The following CTSD variants were observed in gnomAD, a reference collection of about 807,000 sequenced individuals.
The protein encoded by CTSD is ceroid-lipofuscinosis, neuronal 10.
A neutral mutation model predicts 43.6 loss-of-function variants in CTSD; 28 were observed. That is an observed-to-expected ratio of 0.64 (90% CI 0.48 to 0.88). The LOEUF is 0.88. Ranked by LOEUF, CTSD falls within the 40% of genes least tolerant of loss-of-function variation. The pLI, the probability that CTSD is intolerant of heterozygous loss-of-function variation, is 0.00. For synonymous variants in CTSD, 270 were observed against 249.8 expected (o/e 1.08, Z -0.76); for missense variants, 485 against 555.2 (o/e 0.87, Z 1.27).
At chr11:1,759,398 T>C (rs571183702) in intron 3 of CTSD, 118 bp downstream of exon 3, 2 of 1,467,166 alleles carry the variant, frequency 1.4e-6, no homozygotes, top group South Asian at 1.2e-5. Context: ...AGGGCTGGCC[T>C]GGCTCACGGG....
At chr11:1,757,302 G>C in intron 5 of CTSD, 22 bp downstream of exon 5, 1 of 1,600,006 alleles carries the variant, frequency 6.2e-7, no homozygotes, top group Non-Finnish European at 8.6e-7. Context: ...AACGCGGAGC[G>C]AGAGGGAACC....
Position 1,757,575 on chromosome 11 carries a change from T to C in CTSD, c.472-19A>G. 2 of 1,591,608 alleles carry C rather than the reference T, an allele frequency of 1.3e-6. No individual in the cohort carries two copies. The highest frequency in any genetic ancestry group is 1.7e-6 in the Non-Finnish European group (2 of 1,170,284). ...AGGGCACCTGCAGGCCAGGGCAGAGTCAGTGGGCAGCAGACAGGCTGAGCC... is the reference window on the plus strand; with the variant it reads ...AGGGCACCTGCAGGCCAGGGCAGAGCCAGTGGGCAGCAGACAGGCTGAGCC... On this transcript the variant is annotated intron_variant, in intron 4 of 8. Coordinates refer to ENST00000236671, the MANE Select transcript of CTSD (RefSeq NM_001909.5).
chr11:1,756,493 G>A (rs562141012), intron 5 of CTSD, among the ~76,000 whole-genome samples: 125 of 152,336 alleles, frequency 8.2e-4, no homozygotes, highest in African/African-American at 2.7e-3. Context: ...CAAGTGCCAA[G>A]TGAGCCACGT....
rs1184773829 is a variant in CTSD, at chr11:1,753,675, G to C, written c.1072-5C>G. On this transcript the variant is annotated splice_region_variant and splice_polypyrimidine_tract_variant and intron_variant, in intron 8 of 8. Transcript: ENST00000236671. Reference sequence around the variant, plus strand: ...GGTCTTCCCGGCCTGCGACACCTGGGACGGCCCTGGTGGTCAGTACCCAGG... The same window carrying C: ...GGTCTTCCCGGCCTGCGACACCTGGCACGGCCCTGGTGGTCAGTACCCAGG... The C allele has an allele frequency of 6.2e-7, 1 of 1,612,654 alleles. No individual in the cohort carries two copies. The highest frequency in any genetic ancestry group is 8.5e-7 in the Non-Finnish European group (1 of 1,179,802).
rs372339657 is a variant in CTSD, at chr11:1,753,453, G to A, written c.*50C>T. On this transcript the variant is annotated 3_prime_UTR_variant, in exon 9 of 9. Transcript: ENST00000236671. Reference sequence around the variant, plus strand: ...GGGGCCGCTGGGCCAGGGGCCTCCTGCTCTGGGACTCTCCTCTGTTTCTGT... The same window carrying A: ...GGGGCCGCTGGGCCAGGGGCCTCCTACTCTGGGACTCTCCTCTGTTTCTGT... 41 of 1,608,592 alleles carry A rather than the reference G, an allele frequency of 2.5e-5. No individual in the cohort carries two copies. The highest frequency in any genetic ancestry group is 3.5e-5 in the Non-Finnish European group (41 of 1,176,322).
In CTSD at chr11:1,755,049, T is replaced by A. The variant is rs2292964; in HGVS notation, c.705-21A>T. ...GGTCCCTAGGAGGAAAAGGGAGGAG[T>A]CAGCTGCCACGCCACCCCCCAAGCA... On this transcript the variant is annotated intron_variant, in intron 5 of 8. Transcript: ENST00000236671. The A allele has an allele frequency of 4.7e-4, 754 of 1,612,664 alleles. 7 individuals carry two copies. The East Asian group carries it at 0.016, about 34-fold the overall frequency.
intron 6 of CTSD, 38 bp downstream of exon 6, chr11:1,754,868 C>T (rs1845790693): frequency 6.2e-7 from 1 of 1,613,096 alleles, no homozygotes; most frequent in Non-Finnish European, 8.5e-7. Context: ...CGCCCCCGCC[C>T]ACAGAACCCA....
In CTSD at chr11:1,753,454, C is replaced by T. The variant is rs763739756; in HGVS notation, c.*49G>A. 3.4e-5 allele frequency: 55 copies of T among 1,610,082 alleles called. No homozygotes were observed. The highest frequency in any genetic ancestry group is 4.7e-5 in the Non-Finnish European group (55 of 1,177,630). On this transcript the variant is annotated 3_prime_UTR_variant, in exon 9 of 9. Transcript: ENST00000236671. ...GGGCCGCTGGGCCAGGGGCCTCCTG[C>T]TCTGGGACTCTCCTCTGTTTCTGTG... is the stretch of plus-strand genomic sequence containing the variant.
intron 1 of CTSD, chr11:1,762,557 C>A (rs1157632536): frequency 6.6e-6 from 1 of 152,256 alleles, no homozygotes; most frequent in East Asian, 1.9e-4. Flanking sequence ...TGCCTAAGAG[C>A]TGGTGGGCTG....
intron 8 of CTSD, 54 bp downstream of exon 8, chr11:1,753,749 C>T (rs1193083297): frequency 1.9e-5 from 31 of 1,607,916 alleles, no homozygotes; most frequent in Admixed American, 3.4e-5. Context: ...CTGGAGCGTG[C>T]GCCCCCTCAC....
rs775579878 is a variant in CTSD at position 1,753,808 on chromosome 11, G to A, written c.1066C>T (p.Leu356Phe). The change falls in exon 8 of 9, where the codon CTC (leucine) becomes TTC (phenylalanine). Residue 356 changes from leucine (L) to phenylalanine (F), a missense_variant. By Grantham distance (22) the Leu-to-Phe change is conservative. Transcript: ENST00000236671. Reference sequence around the variant, plus strand: ...GCACCCCATTGCCCGCTCACCTTGAGCGTGTAGTCCTCTGGGGACAGCTTG... The same window carrying A: ...GCACCCCATTGCCCGCTCACCTTGAACGTGTAGTCCTCTGGGGACAGCTTG... ...GYKLSPEDYT[L>F]KVSQAGKTLC... 3.7e-6 allele frequency: 6 copies of A among 1,613,442 alleles called. No individual in the cohort carries two copies. In the Admixed American group the frequency reaches 1.0e-4, roughly 27 times the overall value.
Position 1,763,902 on chromosome 11 carries a change from C to T in CTSD, c.-43G>A. On this transcript the variant is annotated 5_prime_UTR_variant, in exon 1 of 9. Transcript: ENST00000236671. ...CGGAGAGGGTCGCCGAGGCCGTGCG[C>T]TTATAGCCGGGATGACGCCGCAGTT... is the stretch of plus-strand genomic sequence containing the variant. 6.7e-7 allele frequency: 1 copy of T among 1,497,856 alleles called. No individual in the cohort carries two copies. The highest frequency in any genetic ancestry group is 2.7e-5 in the East Asian group (1 of 37,564). 92.8% of individuals were successfully genotyped at this position (1,497,856 alleles called of 1,614,324 possible). A position where few individuals can be genotyped will look rare whatever the true frequency, so the allele number is the denominator to read the frequency against.
Position 1,757,311 on chromosome 11 carries a change from C to CCCACACG in CTSD, c.704+6_704+12dup. On this transcript the variant is annotated intron_variant, in intron 5 of 8. Coordinates refer to ENST00000236671, the MANE Select transcript of CTSD (RefSeq NM_001909.5). Reference sequence around the variant, plus strand: ...CCCAGCAACGCGGAGCGAGAGGGAACCCACACGCCCACCTGCTCAGGTAGA... The same window carrying CCCACACG: ...CCCAGCAACGCGGAGCGAGAGGGAACCCACACGCCACACGCCCACCTGCTCAGGTAGA... The CCCACACG allele has an allele frequency of 6.2e-7, 1 of 1,609,266 alleles. No individual in the cohort carries two copies. The highest frequency in any genetic ancestry group is 8.5e-7 in the Non-Finnish European group (1 of 1,176,498).
chr11:1,754,270 G>A (rs752940637), intron 6 of CTSD, 132 bp from the exon 7 acceptor site: 20 of 1,064,002 alleles, frequency 1.9e-5, no homozygotes, highest in South Asian at 9.8e-5. Flanking sequence ...AAGCACAGCC[G>A]GCTGTAAGCC....
intron 3 of CTSD, 45 bp downstream of exon 3, chr11:1,759,471 C>T (rs979125021): frequency 1.9e-5 from 30 of 1,610,848 alleles, no homozygotes; most frequent in Non-Finnish European, 2.5e-5. Context: ...AGCGACATCC[C>T]GGAAGGGCAG....
rs2292963 is a variant in CTSD at position 1,755,102 on chromosome 11, G to A, written c.705-74C>T. 0.21 allele frequency: 334,681 copies of A among 1,579,294 alleles called. 38,689 individuals carry two copies. The highest frequency in any genetic ancestry group is 0.23 in the Non-Finnish European group (265,512 of 1,152,548). ...AGAGTGCCAGGTCAGGAGTAAGAGG[G>A]TGAATGTGGCAATCAGGGAGAGCTT... On this transcript the variant is annotated intron_variant, in intron 5 of 8. Transcript: ENST00000236671.
chr11:1,757,655 C>G, intron 4 of CTSD, 99 bp from the exon 5 acceptor site: 1 of 990,916 alleles, frequency 1.0e-6, no homozygotes, highest in Non-Finnish European at 1.5e-6. Flanking sequence ...GATGCCCATC[C>G]CACACACGAT....
In CTSD at chr11:1,754,002, G is replaced by C; in HGVS notation, c.964C>G (p.Gln322Glu). Residue 322 changes from glutamine (Q) to glutamate (E), a missense_variant, in exon 7 of 9, where the codon CAG becomes GAG. Transcript: ENST00000236671. ...CAGCCCCCGGCGCTCACCTCGCCCTGAATCAGCGGCACGGCCCCGATGGCC... is the reference window on the plus strand; with the variant it reads ...CAGCCCCCGGCGCTCACCTCGCCCTCAATCAGCGGCACGGCCCCGATGGCC... Reference protein sequence around the residue: ...QKAIGAVPLIQGEYMIPCEKV... With the variant: ...QKAIGAVPLIEGEYMIPCEKV... The C allele has an allele frequency of 6.2e-7, 1 of 1,606,232 alleles. No homozygotes were observed.
Position 1,753,833 on chromosome 11 carries a change from G to A in CTSD, c.1041C>T (p.Tyr347=). ...AITLKLGGKG[Y]KLSPEDYTLK... ...GCGTGTAGTCCTCTGGGGACAGCTT[G>A]TAGCCTTTGCCTCCCAGCTTCAGTG... is the stretch of plus-strand genomic sequence containing the variant. Residue 347 remains tyrosine, a synonymous_variant, in exon 8 of 9, where the codon TAC becomes TAT. Transcript: ENST00000236671. 1 of 1,613,610 alleles carries A rather than the reference G, an allele frequency of 6.2e-7. No homozygotes were observed. Among genetic ancestry groups the A allele is most frequent in the Non-Finnish European group, 8.5e-7 (1 of 1,179,746 alleles).
Sources: allele counts gnomAD v4.1 joint callset (sites outside exome capture counted in the v4.1 genomes callset), GRCh38; gene constraint gnomAD v4.1.1; transcripts MANE v1.5; gene names NCBI Gene and HGNC (gene_info 2026-07-23, HGNC 2026-07-21).